ERCC8: variants seen among roughly 807,000 people sequenced by gnomAD.
ERCC8 encodes the protein ERCC excision repair 8, CSA ubiquitin ligase complex subunit.
Under a neutral mutation model 54.9 loss-of-function variants are expected in ERCC8, and 52 were observed. The observed-to-expected ratio is 0.95, with a 90% CI of 0.76 to 1.19. The LOEUF (loss-of-function observed/expected upper bound fraction) is 1.19. Among genes scored for constraint, ERCC8 ranks in the 50% most tolerant of loss-of-function variants. The pLI, the probability that ERCC8 is intolerant of heterozygous loss-of-function variation, is 0.00. For missense variants in ERCC8, 514 were observed against 466.1 expected, an observed-to-expected ratio of 1.10 and a Z score of -0.95; for synonymous variants, 146 against 157.2, an observed-to-expected ratio of 0.93 and a Z score of 0.53.
At chr5:60,878,408 C>T (rs1278110483) in intron 11 of ERCC8, among the ~76,000 whole-genome samples, 3 of 152,138 alleles carry the variant, frequency 2.0e-5, no homozygotes, top group Admixed American at 2.0e-4. Context: ...GGAGGATTCC[C>T]TCTTTTTCTA....
chr5:60,942,594 T>G (rs1472153210), intron 1 of ERCC8, among the ~76,000 whole-genome samples: 1 of 152,070 alleles, frequency 6.6e-6, no homozygotes, highest in Non-Finnish European at 1.5e-5. Context: ...TAATCTATAG[T>G]GACCTAAAGC....
At chr5:60,931,455 T>C (rs1314458421) in intron 1 of ERCC8, among the ~76,000 whole-genome samples, 2 of 152,056 alleles carry the variant, frequency 1.3e-5, no homozygotes, top group Non-Finnish European at 2.9e-5. Context: ...TACAATTGCA[T>C]GTTACCACAC....
chr5:60,880,520 G>T, intron 11 of ERCC8, among the ~76,000 whole-genome samples: 1 of 152,078 alleles, frequency 6.6e-6, no homozygotes, highest in Non-Finnish European at 1.5e-5. Flanking sequence ...TGTAGATTTG[G>T]TCTTTTCACA....
At chr5:60,933,741 C>T (rs866234464) in intron 1 of ERCC8, among the ~76,000 whole-genome samples, 12 of 152,238 alleles carry the variant, frequency 7.9e-5, no homozygotes, top group Middle Eastern at 3.4e-3. Flanking sequence ...CCCTTTCCCC[C>T]GAGTCCCCAA....
intron 10 of ERCC8, among the ~76,000 whole-genome samples, chr5:60,889,875 A>G (rs951379434): frequency 6.6e-6 from 1 of 152,154 alleles, no homozygotes. Context: ...CAAATGGGAT[A>G]TACCTTCTTA....
At chr5:60,938,072 TATATATATATA>T (rs1750134587) in intron 1 of ERCC8, among the ~76,000 whole-genome samples, 1 of 36,810 alleles carries the variant, frequency 2.7e-5, no homozygotes, top group African/African-American at 9.3e-5. Flanking sequence ...TATATATATA[TATATATATATA>T]TATTTTATTT....
intron 6 of ERCC8, 45 bp downstream of exon 6, chr5:60,903,603 A>T: frequency 6.2e-7 from 1 of 1,610,676 alleles, no homozygotes. Context: ...TTTTTATTGA[A>T]TCGTTTACTC....
At chr5:60,903,472 AT>A in intron 6 of ERCC8, 175 bp downstream of exon 6, 1 of 1,056,944 alleles carries the variant, frequency 9.5e-7, no homozygotes. Flanking sequence ...TGTGTTTTCA[AT>A]GGTTCAGTTT....
chr5:60,891,150 T>A, intron 9 of ERCC8, 64 bp from the exon 10 acceptor site: 1 of 1,018,776 alleles, frequency 9.8e-7, no homozygotes, highest in African/African-American at 1.6e-5. Flanking sequence ...CAACAAAGCC[T>A]AGGAGAAATA....
chr5:60,941,367 A>G (rs751766342), intron 1 of ERCC8, among the ~76,000 whole-genome samples: 7 of 152,250 alleles, frequency 4.6e-5, no homozygotes, highest in Non-Finnish European at 1.0e-4. Flanking sequence ...TTAAAATTAT[A>G]CAATCTAACA....
chr5:60,915,937 C>T (rs1749419975), intron 4 of ERCC8, among the ~76,000 whole-genome samples: 1 of 151,926 alleles, frequency 6.6e-6, no homozygotes, highest in Non-Finnish European at 1.5e-5. Context: ...CATCTACCTC[C>T]TATTTGTACC....
At chr5:60,928,768 A>AT in intron 2 of ERCC8, 96 bp downstream of exon 2, 1 of 718,384 alleles carries the variant, frequency 1.4e-6, no homozygotes, top group Non-Finnish European at 2.4e-6. Flanking sequence ...ATTTTCATTA[A>AT]TTTTAATGAA....
At position 60,918,259 on chromosome 5, in the gene ERCC8, A is replaced by G. The variant is rs749030668; in HGVS notation, c.399+6T>C. 6.3e-7 allele frequency: 1 copy of G among 1,587,568 alleles called. No homozygotes were observed. The highest frequency in any genetic ancestry group is 8.6e-7 in the Non-Finnish European group (1 of 1,156,892). On this transcript the variant is annotated splice_donor_region_variant and intron_variant, in intron 4 of 11. Transcript: ENST00000676185. The stretch of plus-strand genomic sequence containing the variant: ...AAGCAATCTGCAAATGTTTTAATGT[A>G]CTTACTTGTAATGTATTTGTATCCC...
chr5:60,934,132 C>T (rs909938049), intron 1 of ERCC8, among the ~76,000 whole-genome samples: 2 of 152,308 alleles, frequency 1.3e-5, no homozygotes, highest in Non-Finnish European at 2.9e-5. Flanking sequence ...AATGGTAGTA[C>T]TACTTTTAGT....
chr5:60,927,649 G>A (rs558399731), intron 2 of ERCC8, among the ~76,000 whole-genome samples: 20 of 152,306 alleles, frequency 1.3e-4, no homozygotes, highest in African/African-American at 4.6e-4. Flanking sequence ...GCTGGCTGGA[G>A]TAACAGTATT....
In ERCC8 at chr5:60,942,141, C is replaced by G. The variant is rs187579321; in HGVS notation, c.77+2791G>C. On this transcript the variant is annotated intron_variant, in intron 1 of 11. Coordinates refer to ENST00000676185, the MANE Select transcript of ERCC8 (RefSeq NM_000082.4). ...AAACCATAGTATATAAAATAGAATA[C>G]TAAATAATGTTCAAACAGTCAAATG... 4.6e-3 allele frequency among the ~76,000 whole-genome samples: 696 copies of G among 152,034 alleles called. 2 individuals are homozygous for G. The highest frequency in any genetic ancestry group is 6.3e-3 in the Non-Finnish European group (429 of 67,962).
intron 1 of ERCC8, among the ~76,000 whole-genome samples, chr5:60,941,240 TAAATA>T (rs1396276841): frequency 4.6e-5 from 7 of 152,136 alleles, no homozygotes; most frequent in Non-Finnish European, 7.4e-5. Context: ...ATAGAAGACA[TAAATA>T]AAAGCCAAAT....
intron 1 of ERCC8, among the ~76,000 whole-genome samples, chr5:60,941,354 C>A (rs1750252278): frequency 1.3e-5 from 2 of 152,064 alleles, no homozygotes; most frequent in South Asian, 4.2e-4. Context: ...GAAGATAGAT[C>A]CATTAAAATT....
chr5:60,944,162 A>G (rs1010863133), intron 1 of ERCC8, among the ~76,000 whole-genome samples: 2 of 152,094 alleles, frequency 1.3e-5, no homozygotes, highest in East Asian at 1.9e-4. Context: ...TCTTTTTGTC[A>G]TTCACGTATC....
Sources: allele counts gnomAD v4.1 joint callset (sites outside exome capture counted in the v4.1 genomes callset), GRCh38; gene constraint gnomAD v4.1.1; transcripts MANE v1.5; gene names NCBI Gene and HGNC (gene_info 2026-07-23, HGNC 2026-07-21).